Variants in UPF3B observed in about 807,000 individuals in gnomAD.
UPF3B encodes UPF3B regulator of nonsense mediated mRNA decay.
UPF3B carries 7 observed loss-of-function variants against 40.3 expected under a neutral mutation model. That is an observed-to-expected ratio of 0.17 (90% CI 0.10 to 0.33). The LOEUF is 0.33. Ranked by LOEUF, UPF3B falls within the 10% of genes least tolerant of loss-of-function variation. The probability of loss-of-function intolerance (pLI) is 1.00; values close to 1 mark genes in which losing one functional copy is unlikely to be tolerated. For synonymous variants in UPF3B, 117 were observed against 117.3 expected (o/e 1.00, Z 0.01); for missense variants, 229 against 358.9 (o/e 0.64, Z 2.93).
At chrX:119,816,346 G>A (rs765590646) in intron 4 of UPF3B, among the ~76,000 whole-genome samples, 9 of 111,377 alleles carry the variant, frequency 8.1e-5, no homozygotes, top group African/African-American at 1.3e-4. Context: ...CTGTGCTACC[G>A]CGACCCTTCT....
downstream of UPF3B, among the ~76,000 whole-genome samples, chrX:119,832,698 T>C (rs1216461413): frequency 9.0e-6 from 1 of 111,254 alleles, no homozygotes; most frequent in Non-Finnish European, 1.9e-5. Context: ...TTTTGTAGTA[T>C]AAAGGACAGC....
At chrX:119,835,812 C>CA (rs951416701) in intron 10 of UPF3B, among the ~76,000 whole-genome samples, 20 of 110,663 alleles carry the variant, frequency 1.8e-4, no homozygotes, top group Non-Finnish European at 3.2e-4. Flanking sequence ...CTCATCTCTA[C>CA]AAAAAAACTT....
intron 5 of UPF3B, among the ~76,000 whole-genome samples, chrX:119,808,263 G>A (rs969030981): frequency 9.0e-6 from 1 of 111,300 alleles, no homozygotes; most frequent in Non-Finnish European, 1.9e-5. Flanking sequence ...AGGAGAGGAA[G>A]GGAGCAAACT....
chrX:119,825,723 G>A (rs1472788360), intron 3 of UPF3B, among the ~76,000 whole-genome samples: 2 of 111,819 alleles, frequency 1.8e-5, no homozygotes, highest in Non-Finnish European at 3.8e-5. Flanking sequence ...AAAAGTTTAT[G>A]GGGACAATGC....
intron 3 of UPF3B, among the ~76,000 whole-genome samples, chrX:119,848,703 T>C (rs1462804567): frequency 8.9e-6 from 1 of 111,732 alleles, no homozygotes; most frequent in East Asian, 2.8e-4. Flanking sequence ...CTTGAAAACA[T>C]TGTGCTAGGT....
At chrX:119,819,930 C>T (rs772776777) in intron 4 of UPF3B, among the ~76,000 whole-genome samples, 2 of 100,938 alleles carry the variant, frequency 2.0e-5, no homozygotes, top group African/African-American at 3.7e-5. Flanking sequence ...CTGCAATCTC[C>T]GCCTCTTGGG....
At chrX:119,838,882 C>G (rs1462233308) in intron 8 of UPF3B, among the ~76,000 whole-genome samples, 3 of 111,203 alleles carry the variant, frequency 2.7e-5, no homozygotes, top group Non-Finnish European at 5.7e-5. Flanking sequence ...CTTAAGTGGT[C>G]CTCCTGCCTC....
intron 4 of UPF3B, among the ~76,000 whole-genome samples, chrX:119,817,663 C>G (rs999667593): frequency 4.5e-5 from 5 of 111,961 alleles, no homozygotes; most frequent in African/African-American, 1.6e-4. Flanking sequence ...TCAAAATAAA[C>G]TGGTACTAAC....
chrX:119,818,681 G>C lies in UPF3B; in HGVS notation c.495-3374C>G, dbSNP rs553798764. On this transcript the variant is annotated intron_variant, in intron 4 of 6. Coordinates refer to the UPF3B transcript ENST00000636792. ...GTTGAGCAAACTTTCCACTTGATGGGTGCCAAAACCAGATCAGCTGCAGAC... is the reference window on the plus strand; with the variant it reads ...GTTGAGCAAACTTTCCACTTGATGGCTGCCAAAACCAGATCAGCTGCAGAC... Among the ~76,000 whole-genome samples the C allele has an allele frequency of 3.0e-4, 34 of 112,324 alleles. No individual in the cohort carries two copies. In the South Asian group the frequency reaches 5.1e-3, roughly 17 times the overall value.
chrX:119,846,388 C>A (rs1410496477), intron 3 of UPF3B, among the ~76,000 whole-genome samples: 1 of 105,532 alleles, frequency 9.5e-6, no homozygotes, highest in East Asian at 2.9e-4. Flanking sequence ...ATTAGCCAGG[C>A]GTGATAGTGC....
chrX:119,819,034 C>T (rs1603366274), intron 4 of UPF3B, among the ~76,000 whole-genome samples: 1 of 105,761 alleles, frequency 9.5e-6, no homozygotes, highest in African/African-American at 3.4e-5. Context: ...TCTGGAGGGC[C>T]GAAGAATAGT....
chrX:119,832,028 C>T (rs747365628), downstream of UPF3B, among the ~76,000 whole-genome samples: 1 of 111,593 alleles, frequency 9.0e-6, no homozygotes, highest in African/African-American at 3.3e-5. Flanking sequence ...AGCACAATTG[C>T]GGCTCACTGC....
At chrX:119,831,376 C>T (rs768450697), downstream of UPF3B, among the ~76,000 whole-genome samples, 73 of 108,667 alleles carry the variant, frequency 6.7e-4, 1 homozygote, top group African/African-American at 2.3e-3. Context: ...GGCTGGAGTG[C>T]AATGGCACAA....
At chrX:119,850,246 C>T (rs929853274) in intron 3 of UPF3B, among the ~76,000 whole-genome samples, 17 of 111,087 alleles carry the variant, frequency 1.5e-4, no homozygotes, top group Non-Finnish European at 2.8e-4. Context: ...CTGCAGTGAG[C>T]TCTGATTGCG....
chrX:119,843,578 T>C (rs898526148), intron 4 of UPF3B, among the ~76,000 whole-genome samples: 1 of 111,952 alleles, frequency 8.9e-6, no homozygotes, highest in Admixed American at 9.5e-5. Context: ...GGGTATTACA[T>C]AGTTTGCTTT....
intron 4 of UPF3B, among the ~76,000 whole-genome samples, chrX:119,819,115 G>A (rs1569459071): frequency 9.7e-6 from 1 of 103,558 alleles, no homozygotes; most frequent in African/African-American, 3.5e-5. Flanking sequence ...CTGCAGTGGT[G>A]CAATCTCGGC....
At chrX:119,824,764 C>CTTT (rs11351287) in intron 3 of UPF3B, among the ~76,000 whole-genome samples, 115 of 65,540 alleles carry the variant, frequency 1.8e-3, no homozygotes, top group African/African-American at 2.2e-3. Context: ...CCATTTCTTT[C>CTTT]TTTTTTTTTT....
chrX:119,836,527 GA>G (rs1482543706), intron 10 of UPF3B, among the ~76,000 whole-genome samples: 4 of 110,103 alleles, frequency 3.6e-5, no homozygotes, highest in Non-Finnish European at 7.6e-5. Flanking sequence ...ATTTAAGGAA[GA>G]AATTATGTGC....
At chrX:119,822,898 ACG>A in intron 4 of UPF3B, 1 of 806,409 alleles carries the variant, frequency 1.2e-6, no homozygotes, top group Non-Finnish European at 1.5e-6. Flanking sequence ...ATGAGCCACC[ACG>A]CCCGGCCTCT....
Sources: gnomAD v4.1 joint callset for allele counts (sites outside exome capture counted in the v4.1 genomes callset) on GRCh38, gnomAD v4.1.1 for gene constraint, MANE v1.5 for transcripts, NCBI Gene and HGNC (gene_info 2026-07-23, HGNC 2026-07-21) for gene names.